The following TMEM108 variants were observed in gnomAD, a reference collection of about 807,000 sequenced individuals.
TMEM108 encodes the protein transmembrane protein 108, also known as cancer/testis antigen 124.
Under a neutral mutation model 35.1 loss-of-function variants are expected in TMEM108, and 12 were observed. The ratio of observed to expected loss-of-function variants is 0.34; its 90% CI spans 0.22 to 0.55. The LOEUF is 0.55. Ranked by LOEUF, TMEM108 falls within the 20% of genes least tolerant of loss-of-function variation. TMEM108 has a pLI of 0.89. For synonymous variants in TMEM108, 287 were observed against 308.6 expected (o/e 0.93, Z 0.73); for missense variants, 680 against 753.3 (o/e 0.90, Z 1.14).
intron 3 of TMEM108, among the ~76,000 whole-genome samples, chr3:133,237,157 C>A (rs936557737): frequency 2.1e-5 from 3 of 143,948 alleles, no homozygotes; most frequent in African/African-American, 7.3e-5. Context: ...CTCATTTCTT[C>A]TTCCTTTTTT....
At chr3:133,286,220 A>C (rs1180304102) in intron 3 of TMEM108, among the ~76,000 whole-genome samples, 1 of 152,260 alleles carries the variant, frequency 6.6e-6, no homozygotes, top group Non-Finnish European at 1.5e-5. Context: ...ATGTAAAGTG[A>C]TAAAACTCTC....
chr3:133,118,013 T>A (rs1470744789), intron 2 of TMEM108, among the ~76,000 whole-genome samples: 1 of 152,214 alleles, frequency 6.6e-6, no homozygotes, highest in Non-Finnish European at 1.5e-5. Context: ...ATAGCATGGC[T>A]TCTGAGTACT....
intron 3 of TMEM108, among the ~76,000 whole-genome samples, chr3:133,363,556 C>T (rs1331656160): frequency 6.6e-6 from 1 of 152,024 alleles, no homozygotes; most frequent in Non-Finnish European, 1.5e-5. Flanking sequence ...CAGGTGCGCA[C>T]CACCACACCC....
intron 5 of TMEM108, among the ~76,000 whole-genome samples, chr3:133,395,514 A>G (rs1037839103): frequency 6.6e-6 from 1 of 152,236 alleles, no homozygotes; most frequent in African/African-American, 2.4e-5. Flanking sequence ...CATGCACTGT[A>G]TGTGTGTCAT....
At chr3:133,289,245 CA>C (rs1947028490) in intron 3 of TMEM108, among the ~76,000 whole-genome samples, 1 of 152,002 alleles carries the variant, frequency 6.6e-6, no homozygotes, top group African/African-American at 2.4e-5. Context: ...GAAATTTCTC[CA>C]TAATAAAAAG....
chr3:133,215,572 T>C (rs1365975679), intron 2 of TMEM108, among the ~76,000 whole-genome samples: 2 of 152,136 alleles, frequency 1.3e-5, no homozygotes, highest in Non-Finnish European at 2.9e-5. Context: ...ACAAAGAAAT[T>C]TTAGGGATAT....
chr3:133,341,149 G>A (rs966929067), intron 3 of TMEM108, among the ~76,000 whole-genome samples: 1 of 151,578 alleles, frequency 6.6e-6, no homozygotes, highest in Non-Finnish European at 1.5e-5. Flanking sequence ...CCTATATTTG[G>A]AAAACCCTAA....
At chr3:133,203,171 ATCAGCTTAAGGAG>A (rs1576379813) in intron 2 of TMEM108, among the ~76,000 whole-genome samples, 1 of 152,218 alleles carries the variant, frequency 6.6e-6, no homozygotes, top group East Asian at 1.9e-4. Flanking sequence ...GAAGTTGCTT[ATCAGCTTAAGGAG>A]ATTTTGGGCT....
chr3:133,125,685 C>T (rs951800686), intron 2 of TMEM108, among the ~76,000 whole-genome samples: 3 of 152,000 alleles, frequency 2.0e-5, no homozygotes, highest in African/African-American at 4.8e-5. Flanking sequence ...CTTTCTTTAA[C>T]GGATAAAGTT....
intron 2 of TMEM108, among the ~76,000 whole-genome samples, chr3:133,212,160 T>C (rs1945842019): frequency 6.6e-6 from 1 of 152,130 alleles, no homozygotes; most frequent in South Asian, 2.1e-4. Context: ...CCATGTACAT[T>C]TCTGAATTAT....
At chr3:133,218,884 G>T (rs1013258812) in intron 2 of TMEM108, among the ~76,000 whole-genome samples, 1 of 151,930 alleles carries the variant, frequency 6.6e-6, no homozygotes, top group Non-Finnish European at 1.5e-5. Flanking sequence ...TCAGGGTAAG[G>T]CTAGCCTTCT....
chr3:133,272,057 A>G (rs566013140), intron 3 of TMEM108, among the ~76,000 whole-genome samples: 2 of 152,336 alleles, frequency 1.3e-5, no homozygotes, highest in Non-Finnish European at 2.9e-5. Flanking sequence ...GAGGCCTCTT[A>G]GAGGAGTTAA....
chr3:133,153,090 G>A lies in TMEM108; in HGVS notation c.-46-76176G>A, dbSNP rs371069321. Among the ~76,000 whole-genome samples, 6 of 152,082 alleles carry A rather than the reference G, an allele frequency of 3.9e-5. No individual in the cohort carries two copies. The South Asian group carries it at 1.2e-3, about 32-fold the overall frequency. ...AACCAAAGAAAATCAAATTTGATTTGTGCAGAATCAAGTAGACCATTGTGT... is the reference window on the plus strand; with the variant it reads ...AACCAAAGAAAATCAAATTTGATTTATGCAGAATCAAGTAGACCATTGTGT... On this transcript the variant is annotated intron_variant, in intron 2 of 5. Transcript: ENST00000321871.
At chr3:133,172,626 G>A (rs1430841277) in intron 2 of TMEM108, among the ~76,000 whole-genome samples, 1 of 152,094 alleles carries the variant, frequency 6.6e-6, no homozygotes, top group African/African-American at 2.4e-5. Flanking sequence ...CAGTCATATT[G>A]GTTAATAGAA....
intron 3 of TMEM108, among the ~76,000 whole-genome samples, chr3:133,338,777 T>C (rs900710384): frequency 1.3e-5 from 2 of 152,018 alleles, no homozygotes; most frequent in African/African-American, 4.8e-5. Flanking sequence ...CACGATAAGA[T>C]ATAAATAGAA....
intron 2 of TMEM108, among the ~76,000 whole-genome samples, chr3:133,156,047 C>G (rs1944876097): frequency 8.7e-6 from 1 of 114,356 alleles, no homozygotes; most frequent in Non-Finnish European, 2.1e-5. Context: ...CAGTTTCAAT[C>G]TTGTTTTTAT....
intron 3 of TMEM108, among the ~76,000 whole-genome samples, chr3:133,276,463 G>C (rs141002784): frequency 8.8e-4 from 134 of 152,328 alleles, no homozygotes; most frequent in African/African-American, 3.1e-3. Flanking sequence ...TATGGCATTT[G>C]CAATCCTGAT....
intron 2 of TMEM108, among the ~76,000 whole-genome samples, chr3:133,134,999 C>T (rs751377232): frequency 9.2e-5 from 14 of 152,118 alleles, no homozygotes; most frequent in African/African-American, 3.4e-4. Context: ...TGAATATGCT[C>T]CAAAATTCAA....
intron 4 of TMEM108, among the ~76,000 whole-genome samples, chr3:133,385,197 G>C (rs2073116383): frequency 1.3e-5 from 2 of 152,188 alleles, no homozygotes; most frequent in African/African-American, 4.8e-5. Context: ...GAGTAGAAGA[G>C]ATTGGGATCA....
Sources: allele counts gnomAD v4.1 joint callset (sites outside exome capture counted in the v4.1 genomes callset), GRCh38; gene constraint gnomAD v4.1.1; transcripts MANE v1.5; gene names NCBI Gene and HGNC (gene_info 2026-07-23, HGNC 2026-07-21).